The following NKIRAS1 variants were observed in gnomAD, a reference collection of about 807,000 sequenced individuals.
The protein encoded by NKIRAS1 is NFKB inhibitor interacting Ras like 1.
Under a neutral mutation model 19.8 loss-of-function variants are expected in NKIRAS1, and 16 were observed. That is an observed-to-expected ratio of 0.81 (90% CI 0.55 to 1.23). The LOEUF is 1.23. Among genes scored for constraint, NKIRAS1 ranks in the 50% most tolerant of loss-of-function variants. NKIRAS1 has a pLI of 0.00. For synonymous variants in NKIRAS1, 88 were observed against 79.0 expected, an observed-to-expected ratio of 1.11 and a Z score of -0.61; for missense variants, 184 against 220.0, an observed-to-expected ratio of 0.84 and a Z score of 1.04.
chr3:23,898,553 C>A (rs948841802), intron 4 of NKIRAS1, among the ~76,000 whole-genome samples: 1 of 151,938 alleles, frequency 6.6e-6, no homozygotes, highest in Non-Finnish European at 1.5e-5. Context: ...AAGCGATTCT[C>A]CTGCCTCGGC....
chr3:23,946,292 C>G (rs1705705249), intron 1 of NKIRAS1: 1 of 985,402 alleles, frequency 1.0e-6, no homozygotes, highest in East Asian at 1.1e-4. Flanking sequence ...ACCAAACGAA[C>G]CGGCGCCTGG....
At chr3:23,917,923 C>T, upstream of NKIRAS1, 2 of 1,613,734 alleles carry the variant, frequency 1.2e-6, no homozygotes, top group Non-Finnish European at 8.5e-7. Context: ...CATGCGCTTT[C>T]TTCTGAGGGT....
chr3:23,946,250 C>T (rs1705702519), intron 1 of NKIRAS1: 1 of 985,432 alleles, frequency 1.0e-6, no homozygotes, highest in Admixed American at 6.1e-5. Flanking sequence ...GCTCTTTTCG[C>T]GAGGTGACCC....
Position 23,911,408 on chromosome 3 carries a change from T to G in NKIRAS1, c.-97A>C, listed in dbSNP as rs2125419472. On this transcript the variant is annotated 5_prime_UTR_variant, in exon 2 of 5. Coordinates refer to ENST00000425478, the MANE Select transcript of NKIRAS1 (RefSeq NM_020345.4). The stretch of plus-strand genomic sequence containing the variant: ...GGCGGAGGTTGCACTGAGCTGAGAT[T>G]GCACCACTTCACTCCAGCCTGGGTG... The G allele has an allele frequency of 6.4e-6, 1 of 156,066 alleles. No homozygotes were observed. The highest frequency in any genetic ancestry group is 1.9e-4 in the South Asian group (1 of 5,200). 9.7% of individuals were successfully genotyped at this position (156,066 alleles called of 1,614,324 possible).
At chr3:23,898,057 A>G (rs1002927302) in intron 4 of NKIRAS1, among the ~76,000 whole-genome samples, 1 of 152,236 alleles carries the variant, frequency 6.6e-6, no homozygotes, top group African/African-American at 2.4e-5. Flanking sequence ...TTAAGTATCT[A>G]GTACGTGAGT....
chr3:23,933,729 G>C (rs542931236), intron 1 of NKIRAS1, among the ~76,000 whole-genome samples: 4 of 152,124 alleles, frequency 2.6e-5, no homozygotes, highest in Non-Finnish European at 5.9e-5. Flanking sequence ...ATTGGTTTTT[G>C]AGGGATGTCT....
intron 1 of NKIRAS1, among the ~76,000 whole-genome samples, chr3:23,938,129 T>C (rs535269865): frequency 1.3e-5 from 2 of 152,128 alleles, no homozygotes; most frequent in South Asian, 4.2e-4. Context: ...CTCTGGAGCA[T>C]CCATTCTTCC....
At chr3:23,908,817 C>T (rs1703336267) in intron 3 of NKIRAS1, among the ~76,000 whole-genome samples, 1 of 151,862 alleles carries the variant, frequency 6.6e-6, no homozygotes, top group Non-Finnish European at 1.5e-5. Context: ...GCACATGCCA[C>T]CATGCCCACC....
intron 1 of NKIRAS1, among the ~76,000 whole-genome samples, chr3:23,944,532 G>C (rs895081519): frequency 6.6e-6 from 1 of 151,924 alleles, no homozygotes; most frequent in Non-Finnish European, 1.5e-5. Context: ...TTTTTCTTTT[G>C]ATCTAAAATT....
At chr3:23,936,975 G>A (rs940965391) in intron 1 of NKIRAS1, among the ~76,000 whole-genome samples, 1 of 152,218 alleles carries the variant, frequency 6.6e-6, no homozygotes, top group Non-Finnish European at 1.5e-5. Context: ...GCTGCACTTG[G>A]AGAATTCACC....
chr3:23,929,743 C>G (rs1705273245), intron 1 of NKIRAS1, among the ~76,000 whole-genome samples: 1 of 152,070 alleles, frequency 6.6e-6, no homozygotes, highest in Admixed American at 6.6e-5. Flanking sequence ...CACCCAACCT[C>G]TATGTTTCAA....
intron 1 of NKIRAS1, among the ~76,000 whole-genome samples, chr3:23,914,806 C>T (rs1704144604): frequency 6.6e-6 from 1 of 152,220 alleles, no homozygotes; most frequent in African/African-American, 2.4e-5. Flanking sequence ...AGTGATTATT[C>T]ACACTACTAG....
rs1474589420 is a variant in NKIRAS1, at chr3:23,890,513, C to T, written c.*2582G>A. 6.2e-7 allele frequency: 1 copy of T among 1,610,896 alleles called. No homozygotes were observed. The highest frequency in any genetic ancestry group is 1.1e-5 in the South Asian group (1 of 90,474). ...ATCTACATTCTTTTCTTCCAGCCGACCCCTTGGTGGGAAGTATTGCCACTC... is the reference window on the plus strand; with the variant it reads ...ATCTACATTCTTTTCTTCCAGCCGATCCCTTGGTGGGAAGTATTGCCACTC... On this transcript the variant is annotated 3_prime_UTR_variant, in exon 5 of 5. Coordinates refer to ENST00000425478, the MANE Select transcript of NKIRAS1 (RefSeq NM_020345.4).
chr3:23,926,609 G>A lies in NKIRAS1; in HGVS notation c.-139-15159C>T, dbSNP rs137956554. ...GATGTATAGATTTCATATGAGAATA[G>A]TATTTGTTGCTATAGATATTTTAAT... On this transcript the variant is annotated intron_variant, in intron 1 of 4. Coordinates refer to the NKIRAS1 transcript ENST00000421515. The surrounding 1 kb of genome is among the most constrained non-coding windows in gnomAD (Gnocchi z 4.3). Among the ~76,000 whole-genome samples the A allele has an allele frequency of 1.0e-3, 157 of 152,136 alleles. No individual in the cohort carries two copies. Among genetic ancestry groups the A allele is most frequent in the African/African-American group, 3.7e-3 (152 of 41,498 alleles).
chr3:23,940,937 CA>C (rs1559517623), intron 1 of NKIRAS1, among the ~76,000 whole-genome samples: 1 of 152,218 alleles, frequency 6.6e-6, no homozygotes, highest in Non-Finnish European at 1.5e-5. Flanking sequence ...TGCTCTGAGA[CA>C]AACATGCTTG....
At chr3:23,899,220 G>A (rs1702264955) in intron 4 of NKIRAS1, among the ~76,000 whole-genome samples, 1 of 152,166 alleles carries the variant, frequency 6.6e-6, no homozygotes, top group Non-Finnish European at 1.5e-5. Flanking sequence ...TAACATGAAG[G>A]ATCTTTGTGG....
upstream of NKIRAS1, chr3:23,920,744 G>A: frequency 1.0e-6 from 1 of 978,326 alleles, no homozygotes; most frequent in Admixed American, 6.1e-5. Flanking sequence ...AAGTTCTTGA[G>A]ACCTAAATTT....
chr3:23,919,461 G>C (rs754000275), upstream of NKIRAS1: 5 of 1,602,348 alleles, frequency 3.1e-6, no homozygotes, highest in Admixed American at 1.7e-5. Context: ...CGGGCAGCTT[G>C]GAGAAGGCGC....
At chr3:23,945,086 AAAAACGAAGGAAGAGGAGG>A (rs947753279) in intron 1 of NKIRAS1, among the ~76,000 whole-genome samples, 3 of 151,152 alleles carry the variant, frequency 2.0e-5, no homozygotes, top group Non-Finnish European at 4.4e-5. Context: ...CACGGAGGGG[AAAAACGAAGGAAGAGGAGG>A]GGCTCGGCAA....
Sources: gnomAD v4.1 joint callset for allele counts (sites outside exome capture counted in the v4.1 genomes callset) on GRCh38, gnomAD v4.1.1 for gene constraint, Gnocchi (gnomAD v3.1) non-coding constraint, MANE v1.5 for transcripts, NCBI Gene and HGNC (gene_info 2026-07-23, HGNC 2026-07-21) for gene names.